Variants in NCOA3 observed in about 807,000 individuals in gnomAD.
The protein encoded by NCOA3 is CBP-interacting protein.
In NCOA3, 51 loss-of-function variants were observed where a neutral mutation model predicts 158.8. The observed-to-expected ratio is 0.32, with a 90% CI of 0.26 to 0.41. NCOA3 has a LOEUF of 0.41. Ranked by LOEUF, NCOA3 falls within the 10% of genes least tolerant of loss-of-function variation. The pLI, the probability that NCOA3 is intolerant of heterozygous loss-of-function variation, is 1.00. For missense variants in NCOA3, 1,510 were observed against 1,746.6 expected (o/e 0.86, Z 2.41); for synonymous variants, 537 against 592.4 (o/e 0.91, Z 1.36).
At chr20:47,650,822 C>T (rs1442464533) in intron 19 of NCOA3, among the ~76,000 whole-genome samples, 160 bp from the exon 20 acceptor site, 3 of 151,938 alleles carry the variant, frequency 2.0e-5, no homozygotes, top group Non-Finnish European at 4.4e-5. Flanking sequence ...GAGATTGTGC[C>T]ACTGCGCTCC....
intron 1 of NCOA3, among the ~76,000 whole-genome samples, chr20:47,503,987 T>C (rs1323738951): frequency 6.6e-6 from 1 of 152,162 alleles, no homozygotes; most frequent in Non-Finnish European, 1.5e-5. Flanking sequence ...AAGATGGGGA[T>C]TGTGGACTAA....
chr20:47,544,493 A>T (rs1291474630), intron 1 of NCOA3, among the ~76,000 whole-genome samples: 1 of 151,720 alleles, frequency 6.6e-6, no homozygotes, highest in Non-Finnish European at 1.5e-5. Context: ...GTGGGTATTT[A>T]AAAAAATTTA....
intron 19 of NCOA3, 107 bp from the exon 20 acceptor site, chr20:47,650,875 C>T (rs983150986): frequency 2.1e-4 from 227 of 1,086,184 alleles, no homozygotes; most frequent in Non-Finnish European, 3.0e-4. Context: ...AAAAGAAGGC[C>T]CTGGGTGTTT....
rs115124543 is a variant in NCOA3, at chr20:47,513,516, A to G, written c.-99+11497A>G. Among the ~76,000 whole-genome samples, 1,240 of 152,214 alleles carry G rather than the reference A, an allele frequency of 8.1e-3. 20 individuals carry two copies. The highest frequency in any genetic ancestry group is 0.028 in the African/African-American group (1,165 of 41,532). ...TGAGGCAAGCAGATCATTCAAGGCC[A>G]GGAGTTTGAGACCAGCCTGGCCAAC... On this transcript the variant is annotated intron_variant, in intron 1 of 22. Coordinates refer to ENST00000371998, the MANE Select transcript of NCOA3 (RefSeq NM_181659.3).
chr20:47,638,193 G>A (rs946571153), intron 13 of NCOA3, among the ~76,000 whole-genome samples: 1 of 152,132 alleles, frequency 6.6e-6, no homozygotes, highest in Admixed American at 6.5e-5. Flanking sequence ...AGTTTTCTTT[G>A]GTGTTTGCTG....
At chr20:47,511,550 T>TACACAC (rs1556556370) in intron 1 of NCOA3, among the ~76,000 whole-genome samples, 1 of 52,270 alleles carries the variant, frequency 1.9e-5, no homozygotes, top group Non-Finnish European at 4.0e-5. Flanking sequence ...TATATATATA[T>TACACAC]ATATATTTCT....
intron 1 of NCOA3, among the ~76,000 whole-genome samples, chr20:47,575,325 C>T (rs954207659): frequency 1.4e-4 from 22 of 152,170 alleles, no homozygotes; most frequent in South Asian, 4.1e-4. Flanking sequence ...TCTATATATA[C>T]GTATATGTAA....
chr20:47,627,467 A>G (rs1205300862), intron 6 of NCOA3, 94 bp from the exon 7 acceptor site: 5 of 959,194 alleles, frequency 5.2e-6, no homozygotes, highest in Non-Finnish European at 7.9e-6. Context: ...TATGGAAAAC[A>G]TGCATAATGA....
At chr20:47,534,000 C>A (rs2084592743) in intron 1 of NCOA3, among the ~76,000 whole-genome samples, 1 of 148,298 alleles carries the variant, frequency 6.7e-6, no homozygotes, top group African/African-American at 2.5e-5. Context: ...TAGAGTAATC[C>A]ATGTTGGTTT....
At chr20:47,628,733 C>T (rs1189692725) in intron 8 of NCOA3, 1 of 151,950 alleles carries the variant, frequency 6.6e-6, no homozygotes, top group East Asian at 1.9e-4. Flanking sequence ...TTGACGTCAA[C>T]CTGAGTTTCA....
intron 19 of NCOA3, 32 bp from the exon 20 acceptor site, chr20:47,650,950 T>C: frequency 1.3e-6 from 2 of 1,599,396 alleles, no homozygotes; most frequent in African/African-American, 1.3e-5. Flanking sequence ...TCTTGCTATA[T>C]ATATGTAATT....
chr20:47,518,288 A>G (rs1418123829), intron 1 of NCOA3, among the ~76,000 whole-genome samples: 3 of 152,018 alleles, frequency 2.0e-5, no homozygotes, highest in African/African-American at 4.8e-5. Flanking sequence ...CCAGGCTGCA[A>G]TGAGCCATGA....
intron 1 of NCOA3, among the ~76,000 whole-genome samples, chr20:47,554,993 C>T (rs895835131): frequency 6.6e-6 from 1 of 152,138 alleles, no homozygotes; most frequent in Non-Finnish European, 1.5e-5. Flanking sequence ...CAGCATGGTA[C>T]TGGTACCAAA....
intron 1 of NCOA3, among the ~76,000 whole-genome samples, chr20:47,546,493 A>G (rs967036413): frequency 1.3e-4 from 19 of 143,992 alleles, no homozygotes; most frequent in Non-Finnish European, 1.2e-4. Flanking sequence ...GAAAGTTCTT[A>G]CTTTGTTTCA....
chr20:47,600,267 C>T (rs546408279), intron 2 of NCOA3, among the ~76,000 whole-genome samples: 223 of 151,772 alleles, frequency 1.5e-3, no homozygotes, highest in South Asian at 2.1e-3. Context: ...CTCCACCTCC[C>T]GGGTTCACGC....
intron 17 of NCOA3, among the ~76,000 whole-genome samples, chr20:47,644,316 T>C (rs999057058): frequency 6.6e-5 from 10 of 152,016 alleles, no homozygotes; most frequent in Non-Finnish European, 1.3e-4. Flanking sequence ...ATTTTTTGTA[T>C]TTTTAGTAGA....
At chr20:47,525,702 C>T (rs1257278854) in intron 1 of NCOA3, among the ~76,000 whole-genome samples, 8 of 122,834 alleles carry the variant, frequency 6.5e-5, no homozygotes, top group Admixed American at 1.5e-4. Flanking sequence ...GGCGGCTGGC[C>T]GGGCGGGGGG....
intron 1 of NCOA3, among the ~76,000 whole-genome samples, chr20:47,574,116 A>G (rs1184224657): frequency 6.6e-6 from 1 of 152,080 alleles, no homozygotes; most frequent in African/African-American, 2.4e-5. Flanking sequence ...AATAGAAAAC[A>G]CTTTTGAACA....
At chr20:47,576,116 T>C (rs891820913) in intron 1 of NCOA3, among the ~76,000 whole-genome samples, 1 of 152,156 alleles carries the variant, frequency 6.6e-6, no homozygotes, top group African/African-American at 2.4e-5. Flanking sequence ...GGTACTGAAA[T>C]ATAAGAAAAG....
Sources: allele counts gnomAD v4.1 joint callset (sites outside exome capture counted in the v4.1 genomes callset), GRCh38; gene constraint gnomAD v4.1.1; transcripts MANE v1.5; gene names NCBI Gene and HGNC (gene_info 2026-07-23, HGNC 2026-07-21).